TMCC2: variants seen among roughly 807,000 people sequenced by gnomAD.
TMCC2 encodes the protein transmembrane and coiled-coil domain family 2, also known as transmembrane and coiled-coil domains protein 2.
In TMCC2, 16 loss-of-function variants were observed where a neutral mutation model predicts 49.4. That is an observed-to-expected ratio of 0.32 (90% CI 0.22 to 0.49). The LOEUF is 0.49. Among genes scored for constraint, TMCC2 ranks in the 20% least tolerant of loss-of-function variants. The pLI is 0.99. For synonymous variants in TMCC2, 397 were observed against 434.1 expected, an observed-to-expected ratio of 0.91 and a Z score of 1.06; for missense variants, 762 against 989.8, an observed-to-expected ratio of 0.77 and a Z score of 3.09.
chr1:205,229,008 ACT>A (rs1659673989), intron 1 of TMCC2: 2 of 1,344,120 alleles, frequency 1.5e-6, no homozygotes, highest in East Asian at 2.7e-5. Context: ...CGTTTTAGTG[ACT>A]CACCCATCCG....
intron 1 of TMCC2, among the ~76,000 whole-genome samples, chr1:205,233,342 T>C (rs527608399): frequency 1.3e-5 from 2 of 152,344 alleles, no homozygotes; most frequent in East Asian, 1.9e-4. Flanking sequence ...CCCTCCTGGT[T>C]TGAAGCACTT....
intron 2 of TMCC2, among the ~76,000 whole-genome samples, chr1:205,258,116 A>G (rs1206754607): frequency 6.6e-6 from 1 of 152,140 alleles, no homozygotes; most frequent in Non-Finnish European, 1.5e-5. Context: ...TGCTGGCCAC[A>G]GGAGGTGGCA....
rs35501417 is a variant in TMCC2, at chr1:205,264,490, GT to G, written c.748-4448del. On this transcript the variant is annotated intron_variant, in intron 2 of 4. Transcript: ENST00000358024. This position sits in a 1 kb window ranked among gnomAD's most constrained non-coding sequence, Gnocchi z 4.2. Reference sequence around the variant, plus strand: ...CATGCCACCACACTCAGTTAATTTTGTTTTTTTTTTTTGGGACGGAGTCTCG... The same window carrying G: ...CATGCCACCACACTCAGTTAATTTTGTTTTTTTTTTTGGGACGGAGTCTCG... Among the ~76,000 whole-genome samples, 39,246 of 139,752 alleles carry G rather than the reference GT, an allele frequency of 0.28. 5,896 individuals carry two copies. Among genetic ancestry groups the G allele is most frequent in the Non-Finnish European group, 0.37 (23,974 of 64,200 alleles). The allele number at this position is 139,752 out of a possible 152,430, so 91.7% of individuals were successfully genotyped here.
intron 2 of TMCC2, among the ~76,000 whole-genome samples, chr1:205,259,094 A>G (rs927002704): frequency 2.0e-5 from 3 of 152,138 alleles, no homozygotes; most frequent in Admixed American, 2.0e-4. Flanking sequence ...CTAGACCCAT[A>G]GACAAGCCAG....
Position 205,228,214 on chromosome 1 carries a change from C to T in TMCC2, c.-351C>T, listed in dbSNP as rs1295730504. On this transcript the variant is annotated 5_prime_UTR_variant, in exon 1 of 5. Coordinates refer to ENST00000358024, the MANE Select transcript of TMCC2 (RefSeq NM_014858.4). ...GGATGCGCTGTGCCGCCCAGCTCCT[C>T]TCCGTCCTGCCCATGCCCTGAAGCA... 6.1e-6 allele frequency: 1 copy of T among 163,942 alleles called. No individual in the cohort carries two copies. Among genetic ancestry groups the T allele is most frequent in the African/African-American group, 2.4e-5 (1 of 41,948 alleles). 10.2% of individuals were successfully genotyped at this position (163,942 alleles called of 1,614,324 possible).
At chr1:205,246,037 G>A (rs1387141298) in intron 2 of TMCC2, among the ~76,000 whole-genome samples, 1 of 152,022 alleles carries the variant, frequency 6.6e-6, no homozygotes, top group Non-Finnish European at 1.5e-5. Flanking sequence ...TCAGCCTCCC[G>A]AAGTGCTGTG....
At chr1:205,269,949 T>A (rs2102616233) in intron 3 of TMCC2, 65 bp downstream of exon 3, 1 of 1,513,448 alleles carries the variant, frequency 6.6e-7, no homozygotes, top group East Asian at 2.3e-5. Context: ...GAGCACTGGG[T>A]TTCAGACCCA....
At position 205,269,638 on chromosome 1, in the gene TMCC2, G is replaced by A; in HGVS notation, c.1436G>A (p.Cys479Tyr). The change falls in exon 3 of 5, where the codon TGC becomes TAC. Residue 479 changes from cysteine to tyrosine, a missense_variant. This residue lies in a region of TMCC2 where 440 missense variants were observed against 636.7 expected (regional missense o/e 0.69). Coordinates refer to ENST00000358024, the MANE Select transcript of TMCC2 (RefSeq NM_014858.4). ...CCCAAGTATGGCAGCGATGATGAGT[G>A]CTCCAGCGCCAGCGCCAGCTCAGCC... ...SSPKYGSDDECSSASASSAGA... is the reference protein window; with the variant it reads ...SSPKYGSDDEYSSASASSAGA... 1 of 1,613,690 alleles carries A rather than the reference G, an allele frequency of 6.2e-7. No individual in the cohort carries two copies. The highest frequency in any genetic ancestry group is 1.1e-5 in the South Asian group (1 of 91,090).
At chr1:205,238,492 C>T (rs1012210611) in intron 1 of TMCC2, among the ~76,000 whole-genome samples, 5 of 152,114 alleles carry the variant, frequency 3.3e-5, no homozygotes, top group African/African-American at 9.7e-5. Flanking sequence ...GGACAAAGGT[C>T]CTGGGGTCTC....
Position 205,241,471 on chromosome 1 carries a change from C to A in TMCC2, c.208-34C>A. 1 of 1,603,158 alleles carries A rather than the reference C, an allele frequency of 6.2e-7. No homozygotes were observed. Among genetic ancestry groups the A allele is most frequent in the South Asian group, 1.1e-5 (1 of 89,424 alleles). On this transcript the variant is annotated intron_variant, in intron 1 of 4. Coordinates refer to ENST00000358024, the MANE Select transcript of TMCC2 (RefSeq NM_014858.4). This position sits in a 1 kb window ranked among gnomAD's most constrained non-coding sequence, Gnocchi z 7.3. ...ACTGACTAGGCAATCAAGAGCTTTC[C>A]ACTCACCAGGGTTCTTCATCTCTCC... is the stretch of plus-strand genomic sequence containing the variant.
At chr1:205,250,304 G>A (rs1357117639) in intron 2 of TMCC2, among the ~76,000 whole-genome samples, 1 of 152,182 alleles carries the variant, frequency 6.6e-6, no homozygotes, top group Non-Finnish European at 1.5e-5. Flanking sequence ...ACTTTGGGAG[G>A]CCGAGGTGGG....
intron 1 of TMCC2, among the ~76,000 whole-genome samples, chr1:205,234,905 C>T (rs1270450212): frequency 6.6e-6 from 1 of 152,108 alleles, no homozygotes; most frequent in South Asian, 2.1e-4. Flanking sequence ...GTGATCCACT[C>T]TCCTCGGCCT....
chr1:205,248,081 A>G (rs1311884562), intron 2 of TMCC2, among the ~76,000 whole-genome samples: 3 of 152,134 alleles, frequency 2.0e-5, no homozygotes, highest in Admixed American at 1.3e-4. Context: ...TGTGCCTTCA[A>G]TTACTTCCCT....
In TMCC2 at chr1:205,235,423, C is replaced by G. The variant is rs528825920; in HGVS notation, c.208-6082C>G. Among the ~76,000 whole-genome samples the G allele has an allele frequency of 5.3e-5, 8 of 152,284 alleles. No individual in the cohort carries two copies. The South Asian group carries it at 1.7e-3, about 32-fold the overall frequency. ...TCTAATTATGTCTTCACTGCCAATC[C>G]CATTAACAAGAATCTCCTTCAGCAA... On this transcript the variant is annotated intron_variant, in intron 1 of 4. Coordinates refer to ENST00000358024, the MANE Select transcript of TMCC2 (RefSeq NM_014858.4).
Position 205,264,791 on chromosome 1 carries a change from C to A in TMCC2, c.748-4159C>A, listed in dbSNP as rs1465401813. Among the ~76,000 whole-genome samples the A allele has an allele frequency of 6.6e-6, 1 of 152,044 alleles. No homozygotes were observed. Among genetic ancestry groups the A allele is most frequent in the Non-Finnish European group, 1.5e-5 (1 of 68,008 alleles). On this transcript the variant is annotated intron_variant, in intron 2 of 4. Transcript: ENST00000358024. This position sits in a 1 kb window ranked among gnomAD's most constrained non-coding sequence, Gnocchi z 4.2. ...ACAGGTGTGAGCCACTGCGCCTGGC[C>A]CCTGTATTTTAAAATTTGTATTATT...
At chr1:205,242,095 G>T (rs189815178) in intron 2 of TMCC2, 51 bp downstream of exon 2, 3 of 1,510,570 alleles carry the variant, frequency 2.0e-6, no homozygotes, top group African/African-American at 1.4e-5. Context: ...AGGGCCATCC[G>T]CTGAGGGGCC....
chr1:205,251,019 G>A (rs1348473439), intron 2 of TMCC2, among the ~76,000 whole-genome samples: 1 of 152,186 alleles, frequency 6.6e-6, no homozygotes, highest in East Asian at 1.9e-4. Flanking sequence ...CCCCTCTGGG[G>A]TGCCAGATGA....
intron 2 of TMCC2, among the ~76,000 whole-genome samples, chr1:205,251,163 G>A (rs920331544): frequency 3.3e-5 from 5 of 152,194 alleles, no homozygotes; most frequent in Non-Finnish European, 5.9e-5. Flanking sequence ...ATGACTGAAT[G>A]TACACACCCT....
At chr1:205,246,018 T>G (rs556155750) in intron 2 of TMCC2, among the ~76,000 whole-genome samples, 1 of 152,156 alleles carries the variant, frequency 6.6e-6, no homozygotes, top group Non-Finnish European at 1.5e-5. Context: ...TCAGGTGATC[T>G]GGCTTTCCTC....
Sources: allele counts gnomAD v4.1 joint callset (sites outside exome capture counted in the v4.1 genomes callset), GRCh38; gene constraint gnomAD v4.1.1; regional missense constraint gnomAD v4.1.1; non-coding constraint Gnocchi (gnomAD v3.1); transcripts MANE v1.5; gene names NCBI Gene and HGNC (gene_info 2026-07-23, HGNC 2026-07-21).